Variants in COL22A1 observed in about 807,000 individuals in gnomAD.
COL22A1 encodes collagen type XXII alpha 1 chain, also known as collagen alpha-1(XXII) chain.
A neutral mutation model predicts 248.9 loss-of-function variants in COL22A1; 221 were observed. The observed-to-expected ratio is 0.89, with a 90% CI of 0.80 to 0.99. The LOEUF is 0.99. Ranked by LOEUF, COL22A1 falls within the 50% of genes least tolerant of loss-of-function variation. COL22A1 has a pLI of 0.00. For synonymous variants in COL22A1, 891 were observed against 793.4 expected (o/e 1.12, Z -2.07); for missense variants, 2,240 against 2,179.0 (o/e 1.03, Z -0.56).
intron 54 of COL22A1, among the ~76,000 whole-genome samples, chr8:138,616,658 C>T (rs968775270): frequency 6.6e-6 from 1 of 152,214 alleles, no homozygotes; most frequent in African/African-American, 2.4e-5. Flanking sequence ...GCGTGACACA[C>T]CTGAGTCCAG....
chr8:138,668,624 C>T (rs72727883), intron 41 of COL22A1, among the ~76,000 whole-genome samples: 2,551 of 152,262 alleles, frequency 0.017, 35 homozygotes, highest in Middle Eastern at 0.041. Flanking sequence ...CTCTTTGTTC[C>T]CCCTACCATA....
chr8:138,648,109 G>C (rs932107888), intron 46 of COL22A1, among the ~76,000 whole-genome samples: 1 of 152,162 alleles, frequency 6.6e-6, no homozygotes, highest in Admixed American at 6.6e-5. Context: ...ATCAAATAAA[G>C]GCCTGTTTTT....
chr8:138,753,579 G>C (rs1168530815), intron 21 of COL22A1, among the ~76,000 whole-genome samples: 2 of 152,082 alleles, frequency 1.3e-5, no homozygotes, highest in Non-Finnish European at 2.9e-5. Flanking sequence ...TACGTGCAGG[G>C]GATTCCAATT....
At chr8:138,747,131 A>C (rs1832183384) in intron 22 of COL22A1, among the ~76,000 whole-genome samples, 1 of 152,206 alleles carries the variant, frequency 6.6e-6, no homozygotes, top group African/African-American at 2.4e-5. Context: ...TCTTTTGGAG[A>C]CAACATACTG....
At chr8:138,594,875 C>T (rs1237058518) in intron 62 of COL22A1, among the ~76,000 whole-genome samples, 1 of 152,102 alleles carries the variant, frequency 6.6e-6, no homozygotes, top group Non-Finnish European at 1.5e-5. Context: ...CATCTATAAG[C>T]TAAAGGGCTG....
At chr8:138,782,844 C>A (rs78091374) in intron 12 of COL22A1, among the ~76,000 whole-genome samples, 1 of 152,184 alleles carries the variant, frequency 6.6e-6, no homozygotes, top group African/African-American at 2.4e-5. Flanking sequence ...GGAAGCACCC[C>A]ACCAGCGCAC....
intron 11 of COL22A1, among the ~76,000 whole-genome samples, chr8:138,802,581 G>A (rs1817089962): frequency 6.6e-6 from 1 of 152,090 alleles, no homozygotes; most frequent in South Asian, 2.1e-4. Flanking sequence ...AGTCAGGAAG[G>A]GCACAACAAA....
At chr8:138,908,212 CA>C (rs1449710142) in intron 1 of COL22A1, among the ~76,000 whole-genome samples, 2 of 152,160 alleles carry the variant, frequency 1.3e-5, no homozygotes, top group Non-Finnish European at 2.9e-5. Flanking sequence ...GCTAGATGCC[CA>C]TGTTTGTAAA....
chr8:138,733,252 G>C (rs1170949467), intron 23 of COL22A1, among the ~76,000 whole-genome samples: 3 of 152,226 alleles, frequency 2.0e-5, no homozygotes, highest in Non-Finnish European at 1.5e-5. Flanking sequence ...TTTCCTAAAA[G>C]GCTGCCAGGA....
chr8:138,755,947 C>T lies in COL22A1; in HGVS notation c.1903-118G>A, dbSNP rs913414089. ...GGACCACACCCCTCCCTGTGCACCA[C>T]CACACATATCTTCGTCTTGCCCGAG... On this transcript the variant is annotated intron_variant, in intron 18 of 64. Coordinates refer to ENST00000303045, the MANE Select transcript of COL22A1 (RefSeq NM_152888.3). 3.8e-6 allele frequency: 3 copies of T among 797,284 alleles called. No individual in the cohort carries two copies. The African/African-American group carries it at 5.1e-5, about 14-fold the overall frequency. 49.4% of individuals were successfully genotyped at this position (797,284 alleles called of 1,614,324 possible). A position where few individuals can be genotyped will look rare whatever the true frequency, so the allele number is the denominator to read the frequency against.
chr8:138,673,615 C>T (rs1825245982), intron 41 of COL22A1, among the ~76,000 whole-genome samples: 1 of 152,110 alleles, frequency 6.6e-6, no homozygotes, highest in South Asian at 2.1e-4. Context: ...CGAGGTGTTG[C>T]AGGGGGAAAA....
At position 138,619,451 on chromosome 8, in the gene COL22A1, T is replaced by C. The variant is rs753532929; in HGVS notation, c.3825+4A>G. 6.2e-7 allele frequency: 1 copy of C among 1,613,882 alleles called. No individual in the cohort carries two copies. Among genetic ancestry groups the C allele is most frequent in the Admixed American group, 1.7e-5 (1 of 60,026 alleles). ...ACCGTTCCCCACACACACTACACAC[T>C]TACAGGTGGGCCTCGGGCACCCTCT... On this transcript the variant is annotated splice_donor_region_variant and intron_variant, in intron 53 of 64. Coordinates refer to ENST00000303045, the MANE Select transcript of COL22A1 (RefSeq NM_152888.3).
chr8:138,754,570 G>C (rs1168618145), intron 21 of COL22A1, among the ~76,000 whole-genome samples: 1 of 152,186 alleles, frequency 6.6e-6, no homozygotes, highest in Non-Finnish European at 1.5e-5. Context: ...CTTTAAAGCA[G>C]GGACCCTGTG....
chr8:138,836,491 G>A (rs1820440533), intron 4 of COL22A1, among the ~76,000 whole-genome samples: 1 of 152,184 alleles, frequency 6.6e-6, no homozygotes, highest in Non-Finnish European at 1.5e-5. Flanking sequence ...AAACACAACA[G>A]TTGCTCACTA....
intron 3 of COL22A1, among the ~76,000 whole-genome samples, chr8:138,862,872 C>T (rs1822590284): frequency 6.6e-6 from 1 of 151,906 alleles, no homozygotes; most frequent in African/African-American, 2.4e-5. Context: ...TTGTGCCCAG[C>T]GTCCCCTGGT....
chr8:138,878,186 G>A lies in COL22A1; in HGVS notation c.222C>T (p.Arg74=), dbSNP rs780721755. The A allele has an allele frequency of 3.7e-6, 6 of 1,601,492 alleles. No homozygotes were observed. Among genetic ancestry groups the A allele is most frequent in the Admixed American group, 1.7e-5 (1 of 58,068 alleles). The change falls in exon 3 of 65, where the codon CGC becomes CGT. Residue 74 remains arginine, a synonymous_variant. Transcript: ENST00000303045. Reference sequence around the variant, plus strand: ...TGTAGCGCACGACCCCCACACGGGTGCGGTCGGGGCCCACCTCGAAGGTGT... The same window carrying A: ...TGTAGCGCACGACCCCCACACGGGTACGGTCGGGGCCCACCTCGAAGGTGT... ...LVDTFEVGPD[R]TRVGVVRYSD... is the part of the protein sequence containing the mutation.
intron 23 of COL22A1, among the ~76,000 whole-genome samples, chr8:138,735,943 G>A (rs1831074582): frequency 1.3e-5 from 2 of 152,288 alleles, no homozygotes; most frequent in South Asian, 4.1e-4. Context: ...AGGTGGGGCT[G>A]TCCAGTCCCG....
chr8:138,647,893 C>G (rs1439053160), intron 46 of COL22A1, among the ~76,000 whole-genome samples: 1 of 152,064 alleles, frequency 6.6e-6, no homozygotes, highest in Non-Finnish European at 1.5e-5. Flanking sequence ...GAAATGCCAC[C>G]CTGACAGCCT....
intron 41 of COL22A1, 44 bp from the exon 42 acceptor site, chr8:138,663,784 T>C (rs1462231562): frequency 2.0e-6 from 3 of 1,482,802 alleles, no homozygotes; most frequent in Non-Finnish European, 1.9e-6. Flanking sequence ...AGAAATGGCA[T>C]GCTGATGTAA....
Sources: gnomAD v4.1 joint callset for allele counts (sites outside exome capture counted in the v4.1 genomes callset) on GRCh38, gnomAD v4.1.1 for gene constraint, MANE v1.5 for transcripts, NCBI Gene and HGNC (gene_info 2026-07-23, HGNC 2026-07-21) for gene names.